PXDNL: variants seen among roughly 807,000 people sequenced by gnomAD.
PXDNL encodes the protein probable oxidoreductase PXDNL.
In PXDNL, 145 loss-of-function variants were observed where a neutral mutation model predicts 150.8. That is an observed-to-expected ratio of 0.96 (90% CI 0.84 to 1.10). PXDNL has a LOEUF of 1.10. Ranked by LOEUF, PXDNL falls within the 50% of genes least tolerant of loss-of-function variation. The pLI is 0.00. For missense variants in PXDNL, 2,087 were observed against 1,873.9 expected (o/e 1.11, Z -2.10); for synonymous variants, 757 against 725.7 (o/e 1.04, Z -0.69).
intron 1 of PXDNL, among the ~76,000 whole-genome samples, chr8:51,789,897 TTTA>T (rs2037494924): frequency 6.6e-6 from 1 of 152,206 alleles, no homozygotes; most frequent in Non-Finnish European, 1.5e-5. Context: ...AATTATTGTA[TTTA>T]TTATTATTGC....
intron 2 of PXDNL, among the ~76,000 whole-genome samples, chr8:51,642,122 C>T (rs939313094): frequency 2.5e-4 from 38 of 151,070 alleles, no homozygotes; most frequent in Middle Eastern, 3.4e-3. Flanking sequence ...AACCAAACAC[C>T]GCATATTCTC....
chr8:51,700,251 ACACT>A (rs1270806455), intron 1 of PXDNL, among the ~76,000 whole-genome samples: 2 of 103,988 alleles, frequency 1.9e-5, no homozygotes, highest in African/African-American at 5.3e-5. Flanking sequence ...CCACACATAT[ACACT>A]CAAACACACA....
chr8:51,467,706 T>C (rs1208190367), intron 8 of PXDNL, among the ~76,000 whole-genome samples: 1 of 152,046 alleles, frequency 6.6e-6, no homozygotes, highest in African/African-American at 2.4e-5. Flanking sequence ...TTCTAATGGG[T>C]CTCAAAGTTT....
rs1020364575 is a variant in PXDNL, at chr8:51,593,309, C to T, written c.237-611G>A. Among the ~76,000 whole-genome samples the T allele has an allele frequency of 2.0e-5, 3 of 152,050 alleles. 1 individual carries two copies. The highest frequency in any genetic ancestry group is 1.3e-4 in the Admixed American group (2 of 15,264). On this transcript the variant is annotated intron_variant, in intron 2 of 22. Coordinates refer to ENST00000356297, the MANE Select transcript of PXDNL (RefSeq NM_144651.5). The stretch of plus-strand genomic sequence containing the variant: ...TACTGAAAAATCAACTTGCAGTAAC[C>T]TTGAAAGCTTCAGTAAAAGCACCCT...
At chr8:51,341,883 G>A (rs1805993577) in intron 20 of PXDNL, among the ~76,000 whole-genome samples, 1 of 152,142 alleles carries the variant, frequency 6.6e-6, no homozygotes, top group South Asian at 2.1e-4. Context: ...TAGCCACTGT[G>A]GAAAACAGTA....
At chr8:51,691,329 C>A (rs1033690947) in intron 1 of PXDNL, among the ~76,000 whole-genome samples, 1 of 152,128 alleles carries the variant, frequency 6.6e-6, no homozygotes, top group Non-Finnish European at 1.5e-5. Flanking sequence ...TTTAATCCAT[C>A]TTGAATTAAT....
chr8:51,502,256 G>GT (rs1159895707), intron 4 of PXDNL, among the ~76,000 whole-genome samples: 2 of 152,214 alleles, frequency 1.3e-5, no homozygotes, highest in African/African-American at 4.8e-5. Flanking sequence ...CTAGCAGCAA[G>GT]TGGGGGGCGG....
chr8:51,604,132 A>G (rs1164330496), intron 2 of PXDNL, among the ~76,000 whole-genome samples: 1 of 152,226 alleles, frequency 6.6e-6, no homozygotes, highest in Non-Finnish European at 1.5e-5. Flanking sequence ...CATTTGACCC[A>G]GCCATCCCAT....
rs371854791 is a variant in PXDNL at position 51,372,059 on chromosome 8, C to G, written c.3715G>C (p.Val1239Leu). The change falls in exon 19 of 23, where the codon GTA (valine) becomes CTA (leucine). Residue 1239 changes from valine to leucine, a missense_variant. By Grantham distance (32) the Val-to-Leu change is conservative (BLOSUM62 1). Transcript: ENST00000356297. ...TGAGTGAGTTGTGCCGGGGTAAATA[C>G]TCCAGGGTTTTCATACCAGAACCTG... ...GDRFWYENPGVFTPAQLTQLK... is the reference protein window; with the variant it reads ...GDRFWYENPGLFTPAQLTQLK... 20 of 1,595,968 alleles carry G rather than the reference C, an allele frequency of 1.3e-5. No homozygotes were observed. In the African/African-American group the frequency reaches 2.0e-4, roughly 16 times the overall value.
chr8:51,495,946 C>A (rs1474085454), intron 5 of PXDNL, among the ~76,000 whole-genome samples: 3 of 152,172 alleles, frequency 2.0e-5, no homozygotes, highest in African/African-American at 7.2e-5. Context: ...TGGCATCATC[C>A]TGATACCAAA....
intron 4 of PXDNL, among the ~76,000 whole-genome samples, chr8:51,509,466 T>C (rs1213452714): frequency 6.6e-6 from 1 of 152,076 alleles, no homozygotes; most frequent in Non-Finnish European, 1.5e-5. Context: ...CCTGTCTCTC[T>C]GCTCCAGCCA....
At chr8:51,769,149 C>T (rs1321261068) in intron 1 of PXDNL, among the ~76,000 whole-genome samples, 2 of 152,170 alleles carry the variant, frequency 1.3e-5, no homozygotes, top group Admixed American at 1.3e-4. Flanking sequence ...ATGAACTGCA[C>T]ATTTTCTATT....
intron 21 of PXDNL, among the ~76,000 whole-genome samples, chr8:51,336,509 G>A (rs145287844): frequency 4.5e-4 from 69 of 152,220 alleles, no homozygotes; most frequent in African/African-American, 1.6e-3. Flanking sequence ...AGGGCTTGTC[G>A]CATCTCAAAA....
At chr8:51,375,910 T>C (rs1807290578) in intron 17 of PXDNL, among the ~76,000 whole-genome samples, 4 of 152,174 alleles carry the variant, frequency 2.6e-5, no homozygotes, top group African/African-American at 9.7e-5. Context: ...CAAACAGACA[T>C]AGTTGTGTTC....
At chr8:51,413,968 A>G (rs1808722434) in intron 14 of PXDNL, among the ~76,000 whole-genome samples, 1 of 152,176 alleles carries the variant, frequency 6.6e-6, no homozygotes, top group Non-Finnish European at 1.5e-5. Context: ...AAAGTACAGT[A>G]ACATTTTATG....
At chr8:51,577,983 GAAAGAAAGAAAGAAAGAGGA>G (rs1420165026) in intron 3 of PXDNL, among the ~76,000 whole-genome samples, 373 of 81,334 alleles carry the variant, frequency 4.6e-3, no homozygotes, top group Non-Finnish European at 6.8e-3. Flanking sequence ...AAGAAAGAAA[GAAAGAAAGAAAGAAAGAGGA>G]AGGAAGGAAG....
chr8:51,739,661 T>C (rs914253131), intron 1 of PXDNL, among the ~76,000 whole-genome samples: 1 of 151,872 alleles, frequency 6.6e-6, no homozygotes, highest in Non-Finnish European at 1.5e-5. Flanking sequence ...GATCACAAGG[T>C]CAGGAGATTG....
intron 3 of PXDNL, among the ~76,000 whole-genome samples, chr8:51,577,097 C>T (rs910935845): frequency 6.6e-6 from 1 of 151,866 alleles, no homozygotes; most frequent in Admixed American, 6.6e-5. Flanking sequence ...CAAATCTACA[C>T]AATCTCTTCC....
At chr8:51,560,889 A>C (rs193169828) in intron 3 of PXDNL, among the ~76,000 whole-genome samples, 244 of 151,994 alleles carry the variant, frequency 1.6e-3, no homozygotes, top group African/African-American at 5.2e-3. Flanking sequence ...ATATCTGATA[A>C]GGAGTTAATA....
Sources: allele counts gnomAD v4.1 joint callset (sites outside exome capture counted in the v4.1 genomes callset), GRCh38; gene constraint gnomAD v4.1.1; transcripts MANE v1.5; gene names NCBI Gene and HGNC (gene_info 2026-07-23, HGNC 2026-07-21).